NAV1: variants seen among roughly 807,000 people sequenced by gnomAD.
NAV1 encodes the protein pore membrane and/or filament interacting like protein 3.
NAV1 carries 18 observed loss-of-function variants against 175.2 expected under a neutral mutation model. The ratio of observed to expected loss-of-function variants is 0.10; its 90% CI spans 0.07 to 0.15. NAV1 has a LOEUF of 0.15. NAV1 is among the 10% of genes least tolerant of loss of function. The probability of loss-of-function intolerance (pLI) is 1.00; values close to 1 mark genes in which losing one functional copy is unlikely to be tolerated. For synonymous variants in NAV1, 897 were observed against 978.7 expected, an observed-to-expected ratio of 0.92 and a Z score of 1.56; for missense variants, 1,731 against 2,436.6, an observed-to-expected ratio of 0.71 and a Z score of 6.10.
intron 2 of NAV1, among the ~76,000 whole-genome samples, chr1:201,642,424 AC>A (rs199746142): frequency 0.013 from 2,020 of 151,390 alleles, 26 homozygotes; most frequent in Non-Finnish European, 0.023. Context: ...ACGGGGTTTC[AC>A]CGTGTTAGCC....
At chr1:201,663,609 G>C (rs942666643) in intron 1 of NAV1, among the ~76,000 whole-genome samples, 2 of 152,220 alleles carry the variant, frequency 1.3e-5, no homozygotes, top group Admixed American at 6.5e-5. Context: ...ATCTGCCTCA[G>C]TGGCCTGTTA....
chr1:201,629,505 T>G (rs1157269596), exon 2 of NAV1: 1 of 1,303,422 alleles, frequency 7.7e-7, no homozygotes, highest in African/African-American at 1.5e-5. Flanking sequence ...TTCTCCTGCA[T>G]GGGTAAGTGA....
chr1:201,706,872 G>C (rs114428965), intron 1 of NAV1, among the ~76,000 whole-genome samples: 1 of 152,150 alleles, frequency 6.6e-6, no homozygotes, highest in Non-Finnish European at 1.5e-5. Context: ...TTTGACTGCC[G>C]GGTGATGGAT....
intron 3 of NAV1, among the ~76,000 whole-genome samples, chr1:201,735,255 C>T (rs1166541824): frequency 6.6e-6 from 1 of 152,248 alleles, no homozygotes; most frequent in East Asian, 1.9e-4. Flanking sequence ...GGAATCAAGA[C>T]ACCTGGATTG....
At chr1:201,744,819 C>T (rs1052156991) in intron 3 of NAV1, among the ~76,000 whole-genome samples, 2 of 152,188 alleles carry the variant, frequency 1.3e-5, no homozygotes, top group Non-Finnish European at 2.9e-5. Flanking sequence ...TCTGCCTAGA[C>T]CCATCATCAC....
chr1:201,589,467 A>G (rs1408717772), intron 2 of NAV1, among the ~76,000 whole-genome samples: 1 of 152,150 alleles, frequency 6.6e-6, no homozygotes, highest in Non-Finnish European at 1.5e-5. Flanking sequence ...CTGCTCAGTA[A>G]ATGTTGAATA....
At chr1:201,635,630 C>A (rs544304717) in intron 2 of NAV1, among the ~76,000 whole-genome samples, 3 of 152,198 alleles carry the variant, frequency 2.0e-5, no homozygotes, top group Non-Finnish European at 2.9e-5. Context: ...GGGCCACCCC[C>A]CTTCGCCCTG....
chr1:201,599,843 G>A (rs553454380), intron 2 of NAV1, among the ~76,000 whole-genome samples: 31 of 152,200 alleles, frequency 2.0e-4, no homozygotes, highest in Non-Finnish European at 4.0e-4. Context: ...TCTCCAGGGA[G>A]AGTTTGAGGG....
chr1:201,810,817 C>G lies in NAV1; in HGVS notation c.4797+59C>G, dbSNP rs1678648327. The G allele has an allele frequency of 7.7e-7, 1 of 1,296,300 alleles. No individual in the cohort carries two copies. Among genetic ancestry groups the G allele is most frequent in the Non-Finnish European group, 1.1e-6 (1 of 911,364 alleles). 80.3% of individuals were successfully genotyped at this position (1,296,300 alleles called of 1,614,324 possible). ...TTCATGCCTCAGCCTTCCCTAAGAC[C>G]CTTCCTCGGCCCCTTCCTGCCTCAT... On this transcript the variant is annotated intron_variant, in intron 24 of 29. Transcript: ENST00000367296. This position sits in a 1 kb window ranked among gnomAD's most constrained non-coding sequence, Gnocchi z 6.0.
At chr1:201,610,779 G>A (rs891119586) in intron 2 of NAV1, among the ~76,000 whole-genome samples, 1 of 152,156 alleles carries the variant, frequency 6.6e-6, no homozygotes, top group African/African-American at 2.4e-5. Flanking sequence ...GCTATTGCTT[G>A]ATCACTTAAC....
intron 3 of NAV1, among the ~76,000 whole-genome samples, chr1:201,765,389 T>TTG (rs1430524075): frequency 1.3e-5 from 2 of 148,454 alleles, no homozygotes; most frequent in African/African-American, 5.0e-5. Context: ...TTCTTTTTTT[T>TTG]TTTTTTTTTT....
intron 1 of NAV1, among the ~76,000 whole-genome samples, chr1:201,664,214 G>A (rs1000281262): frequency 3.3e-5 from 5 of 152,048 alleles, no homozygotes; most frequent in South Asian, 2.1e-4. Context: ...GGTGGTGCGC[G>A]TCTTATAATC....
At chr1:201,689,651 G>A (rs577082936) in intron 1 of NAV1, among the ~76,000 whole-genome samples, 45 of 152,202 alleles carry the variant, frequency 3.0e-4, no homozygotes, top group African/African-American at 1.1e-3. Flanking sequence ...CTGACTCTAG[G>A]GGTAACACAT....
intron 2 of NAV1, among the ~76,000 whole-genome samples, chr1:201,608,677 C>T (rs895990718): frequency 1.3e-5 from 2 of 151,980 alleles, no homozygotes; most frequent in African/African-American, 4.8e-5. Context: ...GGCAGCTACG[C>T]CCTGGAGCCT....
intron 3 of NAV1, among the ~76,000 whole-genome samples, chr1:201,720,155 C>A (rs1292538023): frequency 6.6e-6 from 1 of 152,192 alleles, no homozygotes; most frequent in Non-Finnish European, 1.5e-5. Context: ...CTGTGCTGGG[C>A]AGGAAGGAGA....
intron 1 of NAV1, among the ~76,000 whole-genome samples, chr1:201,691,836 A>C (rs2102418978): frequency 6.6e-6 from 1 of 152,334 alleles, no homozygotes; most frequent in South Asian, 2.1e-4. Flanking sequence ...TTCTCAACAC[A>C]GCCCTCTAAG....
chr1:201,708,478 C>T (rs1269622114), intron 1 of NAV1, among the ~76,000 whole-genome samples: 1 of 151,170 alleles, frequency 6.6e-6, no homozygotes, highest in Admixed American at 6.6e-5. Context: ...ACACACTTCA[C>T]TCTTGCAGCT....
At chr1:201,643,081 CTCTTTCTT>C (rs779308627) in intron 2 of NAV1, among the ~76,000 whole-genome samples, 25 of 150,636 alleles carry the variant, frequency 1.7e-4, no homozygotes, top group African/African-American at 6.2e-4. Flanking sequence ...GCCTCTTTCT[CTCTTTCTT>C]TCTTTTTCTC....
intron 1 of NAV1, among the ~76,000 whole-genome samples, chr1:201,571,668 A>G (rs1265676639): frequency 6.6e-6 from 1 of 152,224 alleles, no homozygotes; most frequent in Non-Finnish European, 1.5e-5. Context: ...AAGCCTGGCT[A>G]GGCGTTCTGT....
Sources: gnomAD v4.1 joint callset for allele counts (sites outside exome capture counted in the v4.1 genomes callset) on GRCh38, gnomAD v4.1.1 for gene constraint, Gnocchi (gnomAD v3.1) non-coding constraint, MANE v1.5 for transcripts, NCBI Gene and HGNC (gene_info 2026-07-23, HGNC 2026-07-21) for gene names.